Variants in HMSD observed in about 807,000 individuals in gnomAD.
HMSD encodes serpin-like protein HMSD.
HMSD carries 13 observed loss-of-function variants against 10.0 expected under a neutral mutation model. The ratio of observed to expected loss-of-function variants is 1.31; its 90% confidence interval spans 0.85 to 2.08. HMSD has a LOEUF of 2.08. Among genes scored for constraint, HMSD ranks in the 30% most tolerant of loss-of-function variants. The pLI is 0.00. For missense variants in HMSD, 169 were observed against 166.3 expected (o/e 1.02, Z -0.09); for synonymous variants, 51 against 54.2 (o/e 0.94, Z 0.26).
downstream of HMSD, among the ~76,000 whole-genome samples, chr18:63,963,103 TTC>T (rs1491235447): frequency 7.4e-6 from 1 of 134,998 alleles, no homozygotes; most frequent in Non-Finnish European, 1.6e-5. Context: ...CTTTCTTTCT[TTC>T]TTTCTTTCTT....
chr18:63,950,442 A>AAAAAAAAAAG (rs2050324024), intron 1 of HMSD, among the ~76,000 whole-genome samples: 1 of 147,984 alleles, frequency 6.8e-6, no homozygotes, highest in Non-Finnish European at 1.5e-5. Flanking sequence ...AAAAAAAAAA[A>AAAAAAAAAAG]TGTAAGATGA....
intron 1 of HMSD, among the ~76,000 whole-genome samples, chr18:63,951,648 A>AG (rs2050331294): frequency 6.6e-6 from 1 of 152,248 alleles, no homozygotes; most frequent in Non-Finnish European, 1.5e-5. Context: ...GTGTAAAAAA[A>AG]GCAATGCATC....
Position 63,960,399 on chromosome 18 carries a change from C to T in HMSD, c.*44C>T, listed in dbSNP as rs1315321601. The stretch of plus-strand genomic sequence containing the variant: ...CTAAACAACTATGCAAACATTAAAA[C>T]CTTTCTTTGGAAATATTGCCAACTC... On this transcript the variant is annotated 3_prime_UTR_variant, in exon 4 of 4. Transcript: ENST00000408945. 2.6e-6 allele frequency: 4 copies of T among 1,524,262 alleles called. No individual in the cohort carries two copies. Among genetic ancestry groups the T allele is most frequent in the East Asian group, 2.4e-5 (1 of 40,834 alleles). 94.4% of individuals were successfully genotyped at this position (1,524,262 alleles called of 1,614,324 possible).
downstream of HMSD, among the ~76,000 whole-genome samples, chr18:63,963,188 A>C (rs113175216): frequency 1.6e-4 from 17 of 104,170 alleles, no homozygotes; most frequent in African/African-American, 3.5e-4. Context: ...TCCTTCCTTC[A>C]TTGCTTCCTT....
chr18:63,967,038 A>T (rs1426477800), intron 3 of HMSD, among the ~76,000 whole-genome samples: 1 of 152,128 alleles, frequency 6.6e-6, no homozygotes, highest in Non-Finnish European at 1.5e-5. Context: ...TGGGAATCTC[A>T]TGGGAGATTG....
Position 63,960,363 on chromosome 18 carries a change from T to A in HMSD, c.*8T>A, listed in dbSNP as rs923439698. On this transcript the variant is annotated 3_prime_UTR_variant, in exon 4 of 4. Transcript: ENST00000408945. The stretch of plus-strand genomic sequence containing the variant: ...CAAAACTGTCAAATATAAAAAGGAG[T>A]CCTTTTTTCTCTAAACAACTATGCA... 1.3e-6 allele frequency: 2 copies of A among 1,566,432 alleles called. No homozygotes were observed. Among genetic ancestry groups the A allele is most frequent in the Non-Finnish European group, 1.7e-6 (2 of 1,158,000 alleles).
Position 63,954,493 on chromosome 18 carries a change from A to T in HMSD, c.158A>T (p.Asp53Val), listed in dbSNP as rs1184803176. The change falls in exon 3 of 4, where the codon GAC becomes GTC. Residue 53 changes from aspartate (D) to valine (V), a missense_variant. Asp to Val is a radical substitution (Grantham distance 152). Coordinates refer to ENST00000408945, the MANE Select transcript of HMSD (RefSeq NM_001123366.2). Reference protein sequence around the residue: ...QSLLVAINRTDTEYVLRTANG... With the variant: ...QSLLVAINRTVTEYVLRTANG... ...CTTCTTGTTGCAATTAACAGAACTG[A>T]CACTGAATATGTGCTTAGAACTGCC... The T allele has an allele frequency of 3.1e-6, 5 of 1,613,692 alleles. No individual in the cohort carries two copies. In the Admixed American group the frequency reaches 6.7e-5, roughly 22 times the overall value.
At chr18:63,957,861 A>G (rs574268524) in intron 3 of HMSD, among the ~76,000 whole-genome samples, 4 of 152,308 alleles carry the variant, frequency 2.6e-5, no homozygotes, top group African/African-American at 9.6e-5. Flanking sequence ...TCTTATTTTC[A>G]AGAATCCCAT....
rs562421091 is a variant in HMSD at position 63,950,415 on chromosome 18, C to CAAAAAAA, written c.-103+1036_-103+1042dup. Among the ~76,000 whole-genome samples the CAAAAAAA allele has an allele frequency of 7.0e-3, 272 of 39,046 alleles. 32 individuals carry two copies. Among genetic ancestry groups the CAAAAAAA allele is most frequent in the Non-Finnish European group, 0.011 (190 of 17,496 alleles). The allele number at this position is 39,046 out of a possible 152,430, so 25.6% of individuals were successfully genotyped here. Reference sequence around the variant, plus strand: ...TGAGGGACAAAGCGAGACTCTCTCTCAAAAAAAAAAAAAAAAAAAAAAAAA... The same window carrying CAAAAAAA: ...TGAGGGACAAAGCGAGACTCTCTCTCAAAAAAAAAAAAAAAAAAAAAAAAAAAAAAAA... On this transcript the variant is annotated intron_variant, in intron 1 of 3. Coordinates refer to ENST00000408945, the MANE Select transcript of HMSD (RefSeq NM_001123366.2).
intron 1 of HMSD, among the ~76,000 whole-genome samples, chr18:63,949,822 C>G (rs999499168): frequency 1.3e-5 from 2 of 152,170 alleles, no homozygotes; most frequent in Non-Finnish European, 2.9e-5. Flanking sequence ...ATTTATTTGT[C>G]GGTACCGAAA....
intron 3 of HMSD, among the ~76,000 whole-genome samples, chr18:63,958,578 T>A (rs2050370928): frequency 6.6e-6 from 1 of 152,178 alleles, no homozygotes; most frequent in African/African-American, 2.4e-5. Flanking sequence ...AAGATCATTA[T>A]AATTCTACAG....
At position 63,968,256 on chromosome 18, in the gene HMSD, T is replaced by C. The variant is rs541173947; in HGVS notation, n.312+7981T>C. The C allele has an allele frequency of 7.9e-5, 12 of 152,392 alleles. 1 individual carries two copies. The highest frequency in any genetic ancestry group is 7.2e-4 in the Admixed American group (11 of 15,306). The allele number at this position is 152,392 out of a possible 1,614,324, so 9.4% of individuals were successfully genotyped here. ...TGGTACCCTCCTACAATATACTCCA[T>C]GTTGCAGCCAGAGGGACCTTCGTAA... On this transcript the variant is annotated intron_variant and non_coding_transcript_variant, in intron 3 of 5. Coordinates refer to the HMSD transcript ENST00000481726.
At chr18:63,968,713 T>A (rs1004307639) in intron 3 of HMSD, 5 of 152,234 alleles carry the variant, frequency 3.3e-5, no homozygotes, top group African/African-American at 1.2e-4. Flanking sequence ...AAAGTCTGGA[T>A]CTAGTTCTGA....
chr18:63,954,678 A>C (rs1213528932), intron 3 of HMSD, 121 bp downstream of exon 3: 270 of 737,842 alleles, frequency 3.7e-4, no homozygotes, highest in Non-Finnish European at 5.1e-4. Context: ...CACGAATCTC[A>C]CACGCATCTT....
At chr18:63,950,927 A>G (rs2050327253) in intron 1 of HMSD, among the ~76,000 whole-genome samples, 1 of 152,204 alleles carries the variant, frequency 6.6e-6, no homozygotes, top group African/African-American at 2.4e-5. Context: ...ATTTAACCCC[A>G]GAAAAGTATT....
intron 3 of HMSD, among the ~76,000 whole-genome samples, chr18:63,958,170 T>G (rs1244229621): frequency 1.3e-5 from 2 of 152,190 alleles, no homozygotes; most frequent in Admixed American, 1.3e-4. Context: ...TACGTGGTAC[T>G]GAGAATTCAA....
downstream of HMSD, among the ~76,000 whole-genome samples, chr18:63,964,832 G>C (rs976307128): frequency 1.3e-5 from 2 of 152,136 alleles, no homozygotes; most frequent in African/African-American, 4.8e-5. Context: ...TCATCTTAGG[G>C]GTTAGGGCTT....
intron 3 of HMSD, among the ~76,000 whole-genome samples, chr18:63,956,762 A>G (rs1438164225): frequency 5.3e-5 from 8 of 152,218 alleles, no homozygotes; most frequent in South Asian, 2.1e-4. Flanking sequence ...TCATTCTACC[A>G]TAAAGACACA....
downstream of HMSD, among the ~76,000 whole-genome samples, chr18:63,964,064 C>T (rs544958657): frequency 6.6e-6 from 1 of 152,344 alleles, no homozygotes; most frequent in South Asian, 2.1e-4. Flanking sequence ...CTGCCCACAC[C>T]CTCCAGCAAG....
Sources: gnomAD v4.1 joint callset for allele counts (sites outside exome capture counted in the v4.1 genomes callset) on GRCh38, gnomAD v4.1.1 for gene constraint, MANE v1.5 for transcripts, NCBI Gene and HGNC (gene_info 2026-07-23, HGNC 2026-07-21) for gene names.